PDE11A: variants seen among roughly 807,000 people sequenced by gnomAD.
PDE11A encodes the protein phosphodiesterase 11A.
A neutral mutation model predicts 100.5 loss-of-function variants in PDE11A; 100 were observed. The ratio of observed to expected loss-of-function variants is 1.00; its 90% CI spans 0.85 to 1.18. PDE11A has a LOEUF of 1.18. PDE11A is among the 50% of genes most tolerant of loss of function. PDE11A has a pLI of 0.00. For missense variants in PDE11A, 1,141 were observed against 1,152.6 expected, an observed-to-expected ratio of 0.99 and a Z score of 0.15; for synonymous variants, 381 against 420.8, an observed-to-expected ratio of 0.91 and a Z score of 1.16.
chr2:178,033,039 G>A (rs1221008317), intron 1 of PDE11A, among the ~76,000 whole-genome samples: 1 of 152,180 alleles, frequency 6.6e-6, no homozygotes, highest in Non-Finnish European at 1.5e-5. Context: ...AAACTGGATG[G>A]AGAATGAGTT....
intron 5 of PDE11A, among the ~76,000 whole-genome samples, chr2:177,842,255 G>A (rs935663369): frequency 6.6e-5 from 10 of 152,348 alleles, no homozygotes; most frequent in African/African-American, 2.4e-4. Context: ...TCTGGGCACA[G>A]AAGTAAAACG....
At chr2:177,745,591 G>GA (rs1041624148) in intron 10 of PDE11A, among the ~76,000 whole-genome samples, 1 of 152,214 alleles carries the variant, frequency 6.6e-6, no homozygotes, top group African/African-American at 2.4e-5. Flanking sequence ...GCTGGGCCTT[G>GA]AGAGTGCCAG....
intron 1 of PDE11A, among the ~76,000 whole-genome samples, chr2:178,014,756 CAT>C (rs1034423850): frequency 6.6e-6 from 1 of 151,986 alleles, no homozygotes; most frequent in African/African-American, 2.4e-5. Flanking sequence ...TTTATGAAAA[CAT>C]GTTATTTCAA....
At chr2:177,790,799 C>A (rs2082618721) in intron 9 of PDE11A, among the ~76,000 whole-genome samples, 1 of 152,256 alleles carries the variant, frequency 6.6e-6, no homozygotes, top group Non-Finnish European at 1.5e-5. Flanking sequence ...CTCATCATCA[C>A]TGGCCATCAG....
chr2:177,790,201 A>G (rs935549129), intron 9 of PDE11A, among the ~76,000 whole-genome samples: 5 of 147,818 alleles, frequency 3.4e-5, no homozygotes, highest in African/African-American at 7.5e-5. Flanking sequence ...ATATAGATCA[A>G]TGGAACAGAA....
chr2:177,709,436 G>A (rs1048136650), intron 13 of PDE11A, among the ~76,000 whole-genome samples: 1 of 152,128 alleles, frequency 6.6e-6, no homozygotes, highest in African/African-American at 2.4e-5. Context: ...TTTTTGGTGG[G>A]GCCATTCCTT....
intron 15 of PDE11A, among the ~76,000 whole-genome samples, chr2:177,684,991 C>T (rs2080922073): frequency 6.6e-6 from 1 of 152,184 alleles, no homozygotes; most frequent in Non-Finnish European, 1.5e-5. Flanking sequence ...CAGCCATCCT[C>T]CTTGTCATAT....
At chr2:177,876,057 C>T (rs2084235657) in intron 4 of PDE11A, 134 bp from the exon 5 acceptor site, 6 of 697,702 alleles carry the variant, frequency 8.6e-6, no homozygotes, top group Non-Finnish European at 1.6e-5. Flanking sequence ...GTGGAGAAAT[C>T]CCAAGACAGA....
At chr2:178,017,314 G>A (rs748946766) in intron 1 of PDE11A, among the ~76,000 whole-genome samples, 2 of 152,158 alleles carry the variant, frequency 1.3e-5, no homozygotes, top group Non-Finnish European at 2.9e-5. Flanking sequence ...TTTGAATGTT[G>A]ATCAAGAGAA....
At chr2:177,918,486 A>G (rs2084987229) in intron 2 of PDE11A, among the ~76,000 whole-genome samples, 1 of 152,226 alleles carries the variant, frequency 6.6e-6, no homozygotes, top group South Asian at 2.1e-4. Context: ...AAAAGCAGAA[A>G]ATAGTAAATG....
At chr2:177,785,219 G>C (rs2105524011) in intron 9 of PDE11A, among the ~76,000 whole-genome samples, 1 of 152,168 alleles carries the variant, frequency 6.6e-6, no homozygotes, top group East Asian at 1.9e-4. Context: ...TATTTCACTG[G>C]CCAGAGCAAG....
intron 3 of PDE11A, 109 bp downstream of exon 3, chr2:177,904,989 T>G: frequency 1.3e-6 from 1 of 744,580 alleles, no homozygotes; most frequent in Non-Finnish European, 2.5e-6. Context: ...TAAAAAAGAT[T>G]CCTGTACTAT....
At chr2:177,674,140 T>C (rs2080730248) in intron 17 of PDE11A, among the ~76,000 whole-genome samples, 1 of 152,232 alleles carries the variant, frequency 6.6e-6, no homozygotes, top group Non-Finnish European at 1.5e-5. Context: ...CTTTGGAGCC[T>C]AATCTGCTAG....
At chr2:177,761,896 T>A (rs1435905722) in intron 10 of PDE11A, among the ~76,000 whole-genome samples, 3 of 152,174 alleles carry the variant, frequency 2.0e-5, no homozygotes, top group Non-Finnish European at 2.9e-5. Context: ...ATTGAAAGAA[T>A]CTAGAGGCTT....
At chr2:177,950,902 G>A (rs898622124) in intron 2 of PDE11A, among the ~76,000 whole-genome samples, 3 of 152,094 alleles carry the variant, frequency 2.0e-5, no homozygotes, top group African/African-American at 4.8e-5. Context: ...ATTGCACTCC[G>A]GCCTGGGCAA....
At chr2:177,958,754 G>A in intron 2 of PDE11A, among the ~76,000 whole-genome samples, 1 of 152,082 alleles carries the variant, frequency 6.6e-6, no homozygotes, top group African/African-American at 2.4e-5. Flanking sequence ...TTTTTTTCCT[G>A]CCTCTCCATA....
intron 2 of PDE11A, among the ~76,000 whole-genome samples, chr2:177,916,236 T>C (rs1022515476): frequency 2.0e-5 from 3 of 152,206 alleles, no homozygotes; most frequent in Non-Finnish European, 2.9e-5. Flanking sequence ...ATAAGAATAT[T>C]ACAAAATAAA....
intron 2 of PDE11A, among the ~76,000 whole-genome samples, chr2:177,924,263 T>C (rs1478769200): frequency 6.6e-6 from 1 of 152,196 alleles, no homozygotes; most frequent in Non-Finnish European, 1.5e-5. Context: ...TTTATATTGA[T>C]ATATTATAGC....
upstream of PDE11A, among the ~76,000 whole-genome samples, chr2:178,076,112 C>G (rs905266070): frequency 6.6e-6 from 1 of 152,096 alleles, no homozygotes; most frequent in Admixed American, 6.5e-5. Context: ...CCCCAGGGCA[C>G]TATCACACGT....
Sources: gnomAD v4.1 joint callset for allele counts (sites outside exome capture counted in the v4.1 genomes callset) on GRCh38, gnomAD v4.1.1 for gene constraint, MANE v1.5 for transcripts, NCBI Gene and HGNC (gene_info 2026-07-23, HGNC 2026-07-21) for gene names.